Variants in DNAH5 observed in about 807,000 individuals in gnomAD.
DNAH5 encodes axonemal beta dynein heavy chain 5.
In DNAH5, 372 loss-of-function variants were observed where a neutral mutation model predicts 518.2. That is an observed-to-expected ratio of 0.72 (90% CI 0.66 to 0.78). The LOEUF is 0.78. DNAH5 is among the 30% of genes least tolerant of loss of function. The pLI, the probability that DNAH5 is intolerant of heterozygous loss-of-function variation, is 0.00. For synonymous variants in DNAH5, 2,039 were observed against 2,025.9 expected (o/e 1.01, Z -0.17); for missense variants, 5,523 against 5,687.0 (o/e 0.97, Z 0.93).
Position 13,901,481 on chromosome 5 carries a change from G to A in DNAH5, c.1823C>T (p.Thr608Ile), listed in dbSNP as rs781059966. 2 of 1,613,834 alleles carry A rather than the reference G, an allele frequency of 1.2e-6. No individual in the cohort carries two copies. Residue 608 changes from threonine to isoleucine, a missense_variant, in exon 14 of 79, where the codon ACA becomes ATA. By Grantham distance (89) the Thr-to-Ile change is moderately conservative. This residue lies in a region of DNAH5 where 5,121 missense variants were observed against 5,223.3 expected (regional missense o/e 0.98). Transcript: ENST00000265104. ...CAGAGGAGGATCGTATTTCTGCTTT[G>A]TATACAGCTTTGAAATCATATCAAT... ...ADIDMISKLYTKQKYDPPLAR... is the reference protein window; with the variant it reads ...ADIDMISKLYIKQKYDPPLAR...
chr5:13,809,827 C>A (rs557947568), intron 45 of DNAH5, among the ~76,000 whole-genome samples: 1 of 152,236 alleles, frequency 6.6e-6, no homozygotes, highest in South Asian at 2.1e-4. Context: ...TTTCTTAATT[C>A]ATTGAAAGTT....
intron 53 of DNAH5, among the ~76,000 whole-genome samples, chr5:13,778,496 A>AGGGAGGT (rs1561233431): frequency 2.4e-5 from 2 of 84,770 alleles, no homozygotes; most frequent in Admixed American, 1.2e-4. Flanking sequence ...GGAAGGAAGG[A>AGGGAGGT]AGGGAGGGAG....
intron 65 of DNAH5, 139 bp downstream of exon 65, chr5:13,750,939 A>C: frequency 1.1e-6 from 1 of 949,680 alleles, no homozygotes. Context: ...AAAAGAAAAC[A>C]CTTGGAGATT....
In DNAH5 at chr5:13,902,050, T is replaced by C; in HGVS notation, c.1730+3A>G. On this transcript the variant is annotated splice_donor_region_variant and intron_variant, in intron 13 of 78. Coordinates refer to ENST00000265104, the MANE Select transcript of DNAH5 (RefSeq NM_001369.3). ...AAAATAGACAATTTCTTGAAAATTT[T>C]ACCTTTCAAATTTCTTCAACATTCT... is the stretch of plus-strand genomic sequence containing the variant. 1 of 1,582,024 alleles carries C rather than the reference T, an allele frequency of 6.3e-7. No individual in the cohort carries two copies. Among genetic ancestry groups the C allele is most frequent in the Non-Finnish European group, 8.6e-7 (1 of 1,156,508 alleles).
chr5:13,941,203 A>T (rs1779429635), intron 1 of DNAH5, among the ~76,000 whole-genome samples: 1 of 152,162 alleles, frequency 6.6e-6, no homozygotes, highest in Non-Finnish European at 1.5e-5. Flanking sequence ...AATTACAATT[A>T]AAAAATTAGC....
chr5:13,885,129 G>C lies in DNAH5; in HGVS notation c.2843C>G (p.Thr948Ser). Reference protein sequence around the residue: ...LTTVTRKKKETEMLGEEAREL... With the variant: ...LTTVTRKKKESEMLGEEAREL... Reference sequence around the variant, plus strand: ...GCGGGCTTCTTCCCCTAACATCTCAGTTTCTTTCTTTTTCCTCGTGACTGT... The same window carrying C: ...GCGGGCTTCTTCCCCTAACATCTCACTTTCTTTCTTTTTCCTCGTGACTGT... The change falls in exon 19 of 79, where the codon ACT becomes AGT. Residue 948 changes from threonine (T) to serine (S), a missense_variant. By Grantham distance (58) the Thr-to-Ser change is moderately conservative (BLOSUM62 1). Around this residue, in one of 3 missense-constraint regions of DNAH5, gnomAD observed 5,121 missense variants for 5,223.3 expected, o/e 0.98. Transcript: ENST00000265104. 1.2e-6 allele frequency: 2 copies of C among 1,614,206 alleles called. No homozygotes were observed. Among genetic ancestry groups the C allele is most frequent in the Non-Finnish European group, 1.7e-6 (2 of 1,180,022 alleles).
chr5:13,990,376 C>A (rs1783441927), intron 1 of DNAH5, among the ~76,000 whole-genome samples: 1 of 151,252 alleles, frequency 6.6e-6, no homozygotes, highest in Non-Finnish European at 1.5e-5. Flanking sequence ...CATGGTGAAA[C>A]CCTGTCTCTT....
rs183033917 is a variant in DNAH5 at position 13,728,079 on chromosome 5, G to T, written c.11884-423C>A. ...TCCCAGGACCACTCCTGACCCAAAA[G>T]AAGACATTTAACACATGTTTATTAT... On this transcript the variant is annotated intron_variant, in intron 69 of 78. Coordinates refer to ENST00000265104, the MANE Select transcript of DNAH5 (RefSeq NM_001369.3). Among the ~76,000 whole-genome samples the T allele has an allele frequency of 1.3e-3, 198 of 152,272 alleles. 3 individuals are homozygous for T. The highest frequency in any genetic ancestry group is 6.8e-3 in the Middle Eastern group (2 of 292).
intron 29 of DNAH5, among the ~76,000 whole-genome samples, chr5:13,861,417 T>C (rs1225433890): frequency 2.6e-5 from 4 of 152,246 alleles, no homozygotes; most frequent in East Asian, 3.8e-4. Flanking sequence ...ATTAAAAGTA[T>C]TGATACACAT....
intron 30 of DNAH5, among the ~76,000 whole-genome samples, chr5:13,859,180 T>C (rs562807230): frequency 2.0e-5 from 3 of 152,164 alleles, no homozygotes; most frequent in Non-Finnish European, 4.4e-5. Flanking sequence ...AAGAAGCATA[T>C]CAATTATGCG....
intron 50 of DNAH5, 141 bp downstream of exon 50, chr5:13,791,853 G>C: frequency 3.0e-6 from 2 of 668,852 alleles, no homozygotes; most frequent in South Asian, 4.1e-5. Flanking sequence ...CATTATGTTA[G>C]TTTAAAAGCA....
At chr5:13,960,338 A>T (rs1781095848) in intron 1 of DNAH5, among the ~76,000 whole-genome samples, 1 of 152,190 alleles carries the variant, frequency 6.6e-6, no homozygotes. Context: ...CTAGGCACTG[A>T]TGGGCTCACA....
Position 13,719,001 on chromosome 5 carries a change from C to T in DNAH5, c.12380G>A (p.Arg4127His), listed in dbSNP as rs762555871. The T allele has an allele frequency of 1.9e-5, 31 of 1,613,702 alleles. No individual in the cohort carries two copies. In the East Asian group the frequency reaches 3.1e-4, roughly 16 times the overall value. Residue 4127 changes from arginine (R) to histidine (H), a missense_variant, in exon 72 of 79, where the codon CGC (arginine) becomes CAC (histidine). Arg to His is a conservative substitution (Grantham distance 29). Transcript: ENST00000265104. Reference sequence around the variant, plus strand: ...ATGAGCCTCGGTGGTCATCCAGAGGCGGAACGCATCATGTACAAGCTCAGT... The same window carrying T: ...ATGAGCCTCGGTGGTCATCCAGAGGTGGAACGCATCATGTACAAGCTCAGT... ...IETELVHDAFRLWMTTEAHKQ... is the reference protein window; with the variant it reads ...IETELVHDAFHLWMTTEAHKQ...
At chr5:13,948,419 T>C (rs1207906075), upstream of DNAH5, among the ~76,000 whole-genome samples, 1 of 152,304 alleles carries the variant, frequency 6.6e-6, no homozygotes, top group East Asian at 1.9e-4. Context: ...GACACAGTAA[T>C]GTGTTTCATC....
chr5:13,754,163 C>G, intron 62 of DNAH5, 40 bp downstream of exon 62: 2 of 1,612,880 alleles, frequency 1.2e-6, no homozygotes, highest in East Asian at 2.2e-5. Flanking sequence ...TTCCCTATCA[C>G]AGTCAACACA....
rs865892747 is a variant in DNAH5, at chr5:13,842,429, A to G, written c.5272-525T>C. Among the ~76,000 whole-genome samples the G allele has an allele frequency of 1.0e-3, 58 of 55,644 alleles. 1 individual carries two copies. Among genetic ancestry groups the G allele is most frequent in the African/African-American group, 1.7e-3 (22 of 13,134 alleles). The allele number at this position is 55,644 out of a possible 152,430, so 36.5% of individuals were successfully genotyped here. A position where few individuals can be genotyped will look rare whatever the true frequency, so the allele number is the denominator to read the frequency against. ...GCGAGAAAGAAAAGAAAAGAAAAGA[A>G]AGAAAGAAAGAAAGAAAGAAAGAAA... On this transcript the variant is annotated intron_variant, in intron 32 of 78. Coordinates refer to ENST00000265104, the MANE Select transcript of DNAH5 (RefSeq NM_001369.3).
At chr5:13,876,600 T>A in intron 22 of DNAH5, 84 bp downstream of exon 22, 1 of 1,537,226 alleles carries the variant, frequency 6.5e-7, no homozygotes, top group Admixed American at 1.9e-5. Flanking sequence ...CCAGGCTACA[T>A]AAAGGACAAC....
chr5:13,976,710 T>TAC (rs111246854), intron 1 of DNAH5, among the ~76,000 whole-genome samples: 40,856 of 131,924 alleles, frequency 0.31, 6,286 homozygotes, highest in East Asian at 0.57. Context: ...TATATATATA[T>TAC]ACACACACAC....
intron 3 of DNAH5, among the ~76,000 whole-genome samples, chr5:13,925,976 G>C (rs571571107): frequency 6.6e-6 from 1 of 152,244 alleles, no homozygotes; most frequent in East Asian, 1.9e-4. Context: ...CACCTAAAGA[G>C]CTTGATTTAT....
Sources: allele counts gnomAD v4.1 joint callset (sites outside exome capture counted in the v4.1 genomes callset), GRCh38; gene constraint gnomAD v4.1.1; regional missense constraint gnomAD v4.1.1; transcripts MANE v1.5; gene names NCBI Gene and HGNC (gene_info 2026-07-23, HGNC 2026-07-21).